EYS: variants seen among roughly 807,000 people sequenced by gnomAD.
EYS encodes the protein EGF-like photoreceptor maintenance factor, also known as protein eyes shut homolog.
Under a neutral mutation model 282.1 loss-of-function variants are expected in EYS, and 250 were observed. That is an observed-to-expected ratio of 0.89 (90% CI 0.80 to 0.98). The LOEUF (loss-of-function observed/expected upper bound fraction) is 0.98, where lower values mean the gene tolerates loss of function less well. Among genes scored for constraint, EYS ranks in the 50% least tolerant of loss-of-function variants. The pLI is 0.00. For missense variants in EYS, 4,016 were observed against 3,709.0 expected (o/e 1.08, Z -2.15); for synonymous variants, 1,355 against 1,282.9 (o/e 1.06, Z -1.20).
At chr6:64,860,356 G>T (rs1031366573) in intron 19 of EYS, among the ~76,000 whole-genome samples, 2 of 152,228 alleles carry the variant, frequency 1.3e-5, no homozygotes, top group African/African-American at 4.8e-5. Flanking sequence ...GCCTGCCAAG[G>T]TTGAGCAGAG....
rs367877137 is a variant in EYS, at chr6:64,870,081, A to G, written c.2992+16616T>C. 4.0e-5 allele frequency among the ~76,000 whole-genome samples: 6 copies of G among 151,696 alleles called. No homozygotes were observed. The East Asian group carries it at 7.7e-4, about 20-fold the overall frequency. ...GAGGGTGAGAGTAAGAAAACAATCA[A>G]TCATAGTTTCCATGTTGTTTTCTTA... On this transcript the variant is annotated intron_variant, in intron 19 of 42. Coordinates refer to ENST00000503581, the MANE Select transcript of EYS (RefSeq NM_001142800.2).
intron 37 of EYS, 88 bp downstream of exon 37, chr6:63,806,102 T>TA: frequency 1.7e-6 from 2 of 1,197,078 alleles, no homozygotes; most frequent in Non-Finnish European, 1.2e-6. Context: ...GTCTTTTTTT[T>TA]ACCACAGCCA....
chr6:65,649,128 ACT>A (rs1485644056), intron 1 of EYS, among the ~76,000 whole-genome samples: 2 of 122,660 alleles, frequency 1.6e-5, no homozygotes, highest in African/African-American at 5.8e-5. Flanking sequence ...ACAGAGCGAG[ACT>A]CTGTCTCAAA....
chr6:64,582,368 G>C, intron 26 of EYS, among the ~76,000 whole-genome samples: 1 of 152,106 alleles, frequency 6.6e-6, no homozygotes, highest in Non-Finnish European at 1.5e-5. Flanking sequence ...CTAATGCCTG[G>C]TGATCTGAAG....
chr6:65,331,277 G>A (rs771320721), intron 11 of EYS: 40 of 623,710 alleles, frequency 6.4e-5, no homozygotes, highest in Non-Finnish European at 8.0e-5. Context: ...TTAACTCCAT[G>A]CATTATATTT....
At chr6:65,299,789 C>T (rs1345447053) in intron 11 of EYS, among the ~76,000 whole-genome samples, 1 of 151,884 alleles carries the variant, frequency 6.6e-6, no homozygotes, top group Non-Finnish European at 1.5e-5. Flanking sequence ...ACATTTATTA[C>T]TTAATAAAAA....
At chr6:63,846,412 G>C (rs1772098953) in intron 36 of EYS, among the ~76,000 whole-genome samples, 1 of 152,140 alleles carries the variant, frequency 6.6e-6, no homozygotes, top group South Asian at 2.1e-4. Flanking sequence ...AGAGCTTAAA[G>C]ACTTGGGGCA....
At chr6:65,363,749 C>A (rs544669059) in intron 8 of EYS, among the ~76,000 whole-genome samples, 1 of 151,874 alleles carries the variant, frequency 6.6e-6, no homozygotes, top group African/African-American at 2.4e-5. Flanking sequence ...TGTAATTTAA[C>A]TAAAACTTAG....
At chr6:65,329,273 T>G (rs1401382978) in intron 11 of EYS, 5 of 755,552 alleles carry the variant, frequency 6.6e-6, no homozygotes, top group Non-Finnish European at 8.1e-6. Context: ...ACTTGAAACT[T>G]TATTATTCAA....
At chr6:65,081,272 T>C (rs1774223963) in intron 12 of EYS, among the ~76,000 whole-genome samples, 1 of 152,004 alleles carries the variant, frequency 6.6e-6, no homozygotes, top group Admixed American at 6.6e-5. Flanking sequence ...TCACTATGAT[T>C]TCTACTTCCA....
intron 26 of EYS, among the ~76,000 whole-genome samples, chr6:64,569,223 T>C (rs1308602703): frequency 1.3e-5 from 2 of 151,516 alleles, no homozygotes; most frequent in Non-Finnish European, 2.9e-5. Flanking sequence ...TCTAACCCAA[T>C]GAAAGGAAGC....
intron 26 of EYS, among the ~76,000 whole-genome samples, chr6:64,552,458 C>G (rs564263595): frequency 6.6e-6 from 1 of 152,082 alleles, no homozygotes; most frequent in African/African-American, 2.4e-5. Flanking sequence ...TAAAGTTTGA[C>G]AAGAAACATT....
intron 36 of EYS, among the ~76,000 whole-genome samples, chr6:63,810,247 C>T (rs1270122452): frequency 1.5e-5 from 2 of 134,572 alleles, no homozygotes; most frequent in Admixed American, 8.2e-5. Flanking sequence ...GGAGGCAGAG[C>T]GAGATTCCAT....
chr6:65,254,064 G>A lies in EYS; in HGVS notation c.2023+41799C>T, dbSNP rs144541317. 2.7e-3 allele frequency among the ~76,000 whole-genome samples: 405 copies of A among 151,816 alleles called. 2 individuals carry two copies. The highest frequency in any genetic ancestry group is 8.9e-3 in the African/African-American group (369 of 41,482). On this transcript the variant is annotated intron_variant, in intron 12 of 42. Coordinates refer to ENST00000503581, the MANE Select transcript of EYS (RefSeq NM_001142800.2). ...TAAGAACTTCAAAGTTTCTAAGAAG[G>A]CTTGCTAAAAGAAGTCTTTAAAACA... is the stretch of plus-strand genomic sequence containing the variant.
intron 12 of EYS, among the ~76,000 whole-genome samples, chr6:65,183,650 C>A (rs919266287): frequency 6.6e-6 from 1 of 151,590 alleles, no homozygotes; most frequent in Non-Finnish European, 1.5e-5. Flanking sequence ...ATTTTATATG[C>A]TTTTAAACTA....
intron 11 of EYS, among the ~76,000 whole-genome samples, chr6:65,332,977 T>A (rs930428260): frequency 6.6e-6 from 1 of 151,372 alleles, no homozygotes; most frequent in Non-Finnish European, 1.5e-5. Context: ...ATATTTTATA[T>A]CTTATTCCTG....
intron 35 of EYS, among the ~76,000 whole-genome samples, chr6:63,865,725 C>G (rs950681982): frequency 6.6e-6 from 1 of 152,174 alleles, no homozygotes; most frequent in African/African-American, 2.4e-5. Flanking sequence ...TTTGAATCCC[C>G]TTACTCCAAA....
At chr6:64,882,437 G>A (rs1285029869) in intron 19 of EYS, among the ~76,000 whole-genome samples, 2 of 151,776 alleles carry the variant, frequency 1.3e-5, no homozygotes, top group South Asian at 2.1e-4. Flanking sequence ...AGGGAAAAGT[G>A]GTTGAGCACA....
chr6:64,105,316 T>C (rs1772971754), intron 31 of EYS, among the ~76,000 whole-genome samples: 1 of 152,114 alleles, frequency 6.6e-6, no homozygotes, highest in Admixed American at 6.6e-5. Context: ...CTTTATTTAT[T>C]AGAGTATTAG....
Sources: allele counts gnomAD v4.1 joint callset (sites outside exome capture counted in the v4.1 genomes callset), GRCh38; gene constraint gnomAD v4.1.1; transcripts MANE v1.5; gene names NCBI Gene and HGNC (gene_info 2026-07-23, HGNC 2026-07-21).